Variants in RABGAP1L observed in about 807,000 individuals in gnomAD.
RABGAP1L encodes the protein RAB GTPase activating protein 1 like.
RABGAP1L carries 63 observed loss-of-function variants against 137.7 expected under a neutral mutation model. That is an observed-to-expected ratio of 0.46 (90% confidence interval 0.37 to 0.56). RABGAP1L has a LOEUF of 0.56. RABGAP1L is among the 20% of genes least tolerant of loss of function. The pLI is 0.00. For missense variants in RABGAP1L, 1,095 were observed against 1,244.0 expected (o/e 0.88, Z 1.80); for synonymous variants, 431 against 433.7 (o/e 0.99, Z 0.08).
At chr1:174,875,424 G>A in intron 19 of RABGAP1L, 5 of 595,064 alleles carry the variant, frequency 8.4e-6, no homozygotes, top group Non-Finnish European at 1.1e-5. Flanking sequence ...CTGAACTGCG[G>A]TTATAACTCT....
At chr1:174,279,317 T>C (rs1675282776) in intron 10 of RABGAP1L, among the ~76,000 whole-genome samples, 1 of 152,176 alleles carries the variant, frequency 6.6e-6, no homozygotes, top group Admixed American at 6.5e-5. Flanking sequence ...AGATAAAATA[T>C]GTAACTTTTG....
At chr1:174,300,156 A>G (rs781290849) in intron 10 of RABGAP1L, among the ~76,000 whole-genome samples, 4 of 152,310 alleles carry the variant, frequency 2.6e-5, no homozygotes, top group African/African-American at 7.2e-5. Context: ...TGGCAATCCC[A>G]TATACCTAAA....
chr1:174,416,081 T>G (rs1293731859), intron 13 of RABGAP1L, among the ~76,000 whole-genome samples: 1 of 146,350 alleles, frequency 6.8e-6, no homozygotes, highest in African/African-American at 2.6e-5. Flanking sequence ...ATATGTCTCT[T>G]GCTGTGAGCT....
intron 18 of RABGAP1L, chr1:174,800,246 C>A: frequency 6.8e-7 from 1 of 1,467,246 alleles, no homozygotes; most frequent in East Asian, 2.5e-5. Context: ...CCCAGGGAGA[C>A]CTAAACCTGG....
intron 14 of RABGAP1L, among the ~76,000 whole-genome samples, chr1:174,674,075 T>G (rs1227582143): frequency 6.6e-6 from 1 of 151,266 alleles, no homozygotes; most frequent in Non-Finnish European, 1.5e-5. Flanking sequence ...TTTTTTTTCT[T>G]TTTTTTTTCT....
At chr1:174,748,886 A>AG (rs978204989) in intron 17 of RABGAP1L, among the ~76,000 whole-genome samples, 1 of 151,702 alleles carries the variant, frequency 6.6e-6, no homozygotes, top group Admixed American at 6.6e-5. Flanking sequence ...AAAAAAAAAA[A>AG]AGACATCAGT....
chr1:174,184,319 C>A (rs1227952644), intron 1 of RABGAP1L, among the ~76,000 whole-genome samples: 4 of 152,174 alleles, frequency 2.6e-5, no homozygotes, highest in Non-Finnish European at 5.9e-5. Context: ...TGGCTGCTTG[C>A]AAGGTTTGAC....
chr1:174,956,625 T>C (rs377029026), intron 19 of RABGAP1L, among the ~76,000 whole-genome samples: 17 of 151,930 alleles, frequency 1.1e-4, no homozygotes, highest in African/African-American at 3.9e-4. Flanking sequence ...ACTAACTCCA[T>C]TTTAGAATAT....
At chr1:174,276,197 T>C (rs1571881101) in intron 9 of RABGAP1L, among the ~76,000 whole-genome samples, 1 of 152,196 alleles carries the variant, frequency 6.6e-6, no homozygotes, top group East Asian at 1.9e-4. Flanking sequence ...GGGTAGAGTA[T>C]AGGGGCATTA....
intron 19 of RABGAP1L, among the ~76,000 whole-genome samples, chr1:174,879,390 G>A (rs2149081818): frequency 7.2e-6 from 1 of 138,066 alleles, no homozygotes; most frequent in Non-Finnish European, 1.5e-5. Flanking sequence ...GAGTCACGGT[G>A]CACAGCCTTT....
intron 10 of RABGAP1L, among the ~76,000 whole-genome samples, chr1:174,280,269 A>C (rs1325148552): frequency 6.6e-6 from 1 of 152,172 alleles, no homozygotes; most frequent in African/African-American, 2.4e-5. Context: ...TCTACACTAT[A>C]CAACATTGGT....
intron 20 of RABGAP1L, among the ~76,000 whole-genome samples, chr1:174,960,712 A>C (rs1669016523): frequency 6.6e-6 from 1 of 152,144 alleles, no homozygotes; most frequent in South Asian, 2.1e-4. Flanking sequence ...ACCCTAAATC[A>C]CACCAGAGGT....
intron 19 of RABGAP1L, among the ~76,000 whole-genome samples, chr1:174,907,158 T>C (rs1231291985): frequency 1.3e-5 from 2 of 152,162 alleles, no homozygotes; most frequent in African/African-American, 2.4e-5. Context: ...GTTACTGTCA[T>C]GTAACAATAG....
intron 11 of RABGAP1L, among the ~76,000 whole-genome samples, chr1:174,350,010 G>T (rs1682961241): frequency 1.7e-5 from 2 of 114,924 alleles, no homozygotes; most frequent in Admixed American, 8.1e-5. Context: ...GGGCTGAGGG[G>T]CTCCTCACTT....
chr1:174,501,463 A>G (rs1356420411), intron 13 of RABGAP1L, among the ~76,000 whole-genome samples: 1 of 152,110 alleles, frequency 6.6e-6, no homozygotes, highest in African/African-American at 2.4e-5. Flanking sequence ...TGCTGGGATT[A>G]CAGGCATGAG....
At chr1:174,376,611 A>G (rs1414048844) in intron 12 of RABGAP1L, among the ~76,000 whole-genome samples, 4 of 152,238 alleles carry the variant, frequency 2.6e-5, no homozygotes, top group African/African-American at 4.8e-5. Flanking sequence ...ATTTCAATAG[A>G]TGCAGAAAAA....
At chr1:174,552,466 C>G (rs539550507) in intron 13 of RABGAP1L, among the ~76,000 whole-genome samples, 1 of 152,120 alleles carries the variant, frequency 6.6e-6, no homozygotes, top group African/African-American at 2.4e-5. Flanking sequence ...GGATAATGGC[C>G]TCCTGCTCCA....
At chr1:174,332,796 A>C (rs540607562) in intron 11 of RABGAP1L, among the ~76,000 whole-genome samples, 2 of 152,192 alleles carry the variant, frequency 1.3e-5, no homozygotes, top group Non-Finnish European at 2.9e-5. Context: ...AAAAGTTAAA[A>C]AAAAACTGAT....
intron 18 of RABGAP1L, among the ~76,000 whole-genome samples, chr1:174,783,462 A>G (rs966826210): frequency 2.0e-5 from 3 of 152,150 alleles, no homozygotes; most frequent in Non-Finnish European, 4.4e-5. Flanking sequence ...CGCCCGTAAC[A>G]GTATGAGGGA....
Sources: gnomAD v4.1 joint callset for allele counts (sites outside exome capture counted in the v4.1 genomes callset) on GRCh38, gnomAD v4.1.1 for gene constraint, MANE v1.5 for transcripts, NCBI Gene and HGNC (gene_info 2026-07-23, HGNC 2026-07-21) for gene names.